The following KLC1 variants were observed in gnomAD, a reference collection of about 807,000 sequenced individuals.
KLC1 encodes the protein kinesin 2 60/70kDa.
In KLC1, 30 loss-of-function variants were observed where a neutral mutation model predicts 84.2. That is an observed-to-expected ratio of 0.36 (90% CI 0.27 to 0.48). KLC1 has a LOEUF of 0.48. Among genes scored for constraint, KLC1 ranks in the 20% least tolerant of loss-of-function variants. The pLI, the probability that KLC1 is intolerant of heterozygous loss-of-function variation, is 0.99. For missense variants in KLC1, 499 were observed against 805.4 expected (o/e 0.62, Z 4.60); for synonymous variants, 289 against 293.3 (o/e 0.99, Z 0.15).
chr14:103,681,665 G>T (rs1041830183), intron 13 of KLC1, among the ~76,000 whole-genome samples: 1 of 152,060 alleles, frequency 6.6e-6, no homozygotes, highest in African/African-American at 2.4e-5. Context: ...CACCATGTTG[G>T]CCAGGCTGGT....
Position 103,694,887 on chromosome 14 carries a change from A to G in KLC1, c.1848+2462A>G, listed in dbSNP as rs777269848. The stretch of plus-strand genomic sequence containing the variant: ...AAAGTTTCATCCCGCCTCATGTCGC[A>G]GGACTGCTGTGTTTGTGAAAGCGCG... On this transcript the variant is annotated intron_variant, in intron 15 of 16. Coordinates refer to ENST00000334553, the MANE Select transcript of KLC1 (RefSeq NM_001394837.1). This position sits in a 1 kb window ranked among gnomAD's most constrained non-coding sequence, Gnocchi z 4.5. 31 of 985,384 alleles carry G rather than the reference A, an allele frequency of 3.1e-5. No individual in the cohort carries two copies. Among genetic ancestry groups the G allele is most frequent in the Non-Finnish European group, 3.6e-5 (30 of 829,950 alleles). 61.0% of individuals were successfully genotyped at this position (985,384 alleles called of 1,614,324 possible).
intron 1 of KLC1, among the ~76,000 whole-genome samples, chr14:103,641,111 G>A (rs1168805952): frequency 6.6e-6 from 1 of 152,106 alleles, no homozygotes; most frequent in Non-Finnish European, 1.5e-5. Context: ...TTTTAGTAGA[G>A]ATGGGGTTTT....
rs2082211187 is a variant in KLC1, at chr14:103,693,045, T to C, written c.1848+620T>C. ...GGTGGCCGGGTGCCTGTGGCTGCTC[T>C]AGAACCTGTTTCTCAGGTGCCTGGG... On this transcript the variant is annotated intron_variant, in intron 15 of 16. Transcript: ENST00000334553. This position sits in a 1 kb window ranked among gnomAD's most constrained non-coding sequence, Gnocchi z 5.1. Among the ~76,000 whole-genome samples the C allele has an allele frequency of 6.6e-6, 1 of 152,230 alleles. No individual in the cohort carries two copies. The highest frequency in any genetic ancestry group is 2.4e-5 in the African/African-American group (1 of 41,462).
At chr14:103,670,332 G>A (rs1301635864) in intron 7 of KLC1, 49 bp downstream of exon 7, 9 of 1,334,754 alleles carry the variant, frequency 6.7e-6, no homozygotes, top group African/African-American at 6.0e-5. Context: ...TGTTTTGTGT[G>A]TGTGTGGTTT....
At chr14:103,647,766 C>T (rs1378819140) in intron 1 of KLC1, among the ~76,000 whole-genome samples, 1 of 150,722 alleles carries the variant, frequency 6.6e-6, no homozygotes, top group African/African-American at 2.4e-5. Flanking sequence ...GTTCTAGCTA[C>T]TTGGGAGGCT....
Position 103,701,292 on chromosome 14 carries a change from C to T in KLC1, c.*93C>T. On this transcript the variant is annotated 3_prime_UTR_variant, in exon 17 of 17. Coordinates refer to ENST00000334553, the MANE Select transcript of KLC1 (RefSeq NM_001394837.1). ...CCAGGGCGGCAGGGAGGGCCCCTGG[C>T]CGGGAGCCGCAGCGCTCACTCATTT... 9 of 1,369,588 alleles carry T rather than the reference C, an allele frequency of 6.6e-6. No individual in the cohort carries two copies. Among genetic ancestry groups the T allele is most frequent in the Non-Finnish European group, 9.1e-6 (9 of 991,942 alleles). The allele number at this position is 1,369,588 out of a possible 1,614,324, so 84.8% of individuals were successfully genotyped here.
intron 7 of KLC1, among the ~76,000 whole-genome samples, chr14:103,672,200 A>T (rs1595475939): frequency 2.0e-5 from 3 of 152,292 alleles, no homozygotes; most frequent in Admixed American, 2.0e-4. Flanking sequence ...AATTGAGTTA[A>T]AAGTGTCCTA....
At chr14:103,677,589 GA>G (rs1222355167) in intron 12 of KLC1, 66 bp downstream of exon 12, 7 of 886,080 alleles carry the variant, frequency 7.9e-6, no homozygotes, top group Admixed American at 2.0e-5. Flanking sequence ...TCTTTTACAT[GA>G]ATTTTATTGA....
chr14:103,699,387 T>TGCTGTG (rs752714158), intron 15 of KLC1: 1 of 1,610,558 alleles, frequency 6.2e-7, no homozygotes, highest in Non-Finnish European at 8.5e-7. Flanking sequence ...AGCACAGGGC[T>TGCTGTG]CTGGAAGGCA....
intron 13 of KLC1, chr14:103,685,543 C>A: frequency 7.8e-7 from 1 of 1,288,260 alleles, no homozygotes; most frequent in Non-Finnish European, 1.0e-6. Context: ...AGACTTGTGA[C>A]CTAGAAATAC....
intron 1 of KLC1, among the ~76,000 whole-genome samples, chr14:103,633,645 T>C (rs1463707349): frequency 6.6e-6 from 1 of 152,094 alleles, no homozygotes; most frequent in East Asian, 1.9e-4. Flanking sequence ...GTCACTCCTC[T>C]GTTAAAGCTT....
At position 103,693,804 on chromosome 14, in the gene KLC1, T is replaced by C. The variant is rs2273175; in HGVS notation, c.1848+1379T>C. The C allele has an allele frequency of 0.31, 441,326 of 1,401,218 alleles. 71,196 individuals are homozygous for C. Among genetic ancestry groups the C allele is most frequent in the East Asian group, 0.35 (12,859 of 37,054 alleles). 86.8% of individuals were successfully genotyped at this position (1,401,218 alleles called of 1,614,324 possible). Reference sequence around the variant, plus strand: ...AGGCCGTGCCTCAGCATTCTGTTACTCGGCCTGCAGCCCCAGTGCCAGGAG... The same window carrying C: ...AGGCCGTGCCTCAGCATTCTGTTACCCGGCCTGCAGCCCCAGTGCCAGGAG... On this transcript the variant is annotated intron_variant, in intron 15 of 16. Transcript: ENST00000334553. This position sits in a 1 kb window ranked among gnomAD's most constrained non-coding sequence, Gnocchi z 5.1.
At chr14:103,661,905 C>G (rs1342988018) in intron 3 of KLC1, among the ~76,000 whole-genome samples, 1 of 152,204 alleles carries the variant, frequency 6.6e-6, no homozygotes, top group African/African-American at 2.4e-5. Context: ...GTGGTCTGCA[C>G]TCAAGTATTT....
In KLC1 at chr14:103,661,441, C is replaced by T. The variant is rs571244393; in HGVS notation, c.493-675C>T. Among the ~76,000 whole-genome samples the T allele has an allele frequency of 1.7e-3, 260 of 152,296 alleles. 1 individual carries two copies. Among genetic ancestry groups the T allele is most frequent in the Non-Finnish European group, 1.3e-3 (91 of 68,032 alleles). On this transcript the variant is annotated intron_variant, in intron 3 of 16. Coordinates refer to ENST00000334553, the MANE Select transcript of KLC1 (RefSeq NM_001394837.1). ...TCCTCAGTTGGGGTTCGTCTAATGC[C>T]TGGATTATGCATCCCAGACAGGAAT...
chr14:103,643,349 A>G (rs558083130), intron 1 of KLC1, among the ~76,000 whole-genome samples: 7 of 152,278 alleles, frequency 4.6e-5, no homozygotes, highest in Admixed American at 3.3e-4. Context: ...GGTGGTGGTG[A>G]TAATCTTACA....
At chr14:103,631,718 C>G (rs2076703394) in intron 1 of KLC1, among the ~76,000 whole-genome samples, 1 of 152,178 alleles carries the variant, frequency 6.6e-6, no homozygotes, top group Non-Finnish European at 1.5e-5. Flanking sequence ...CTGCCTCAGC[C>G]TCCCTAGTAG....
At chr14:103,675,179 G>A (rs2080774236) in intron 9 of KLC1, among the ~76,000 whole-genome samples, 1 of 152,080 alleles carries the variant, frequency 6.6e-6, no homozygotes, top group African/African-American at 2.4e-5. Context: ...AAAAAAATTA[G>A]CTGGGTGTGG....
At chr14:103,654,102 TC>T (rs1316069092) in intron 1 of KLC1, among the ~76,000 whole-genome samples, 1 of 152,210 alleles carries the variant, frequency 6.6e-6, no homozygotes, top group African/African-American at 2.4e-5. Flanking sequence ...CTGCTGCTCT[TC>T]CTGTTCCATG....
At chr14:103,634,088 C>T (rs1438607510) in intron 1 of KLC1, among the ~76,000 whole-genome samples, 3 of 152,212 alleles carry the variant, frequency 2.0e-5, no homozygotes, top group East Asian at 1.9e-4. Context: ...AGGCTGGTCT[C>T]GAACTCTTGA....
Sources: allele counts gnomAD v4.1 joint callset (sites outside exome capture counted in the v4.1 genomes callset), GRCh38; gene constraint gnomAD v4.1.1; non-coding constraint Gnocchi (gnomAD v3.1); transcripts MANE v1.5; gene names NCBI Gene and HGNC (gene_info 2026-07-23, HGNC 2026-07-21).